RNLS: variants seen among roughly 807,000 people sequenced by gnomAD.
RNLS encodes the protein renalase.
In RNLS, 39 loss-of-function variants were observed where a neutral mutation model predicts 39.8. That is an observed-to-expected ratio of 0.98 (90% CI 0.76 to 1.28). RNLS has a LOEUF of 1.28. Ranked by LOEUF, RNLS falls within the 50% of genes most tolerant of loss-of-function variation. The pLI is 0.00. For missense variants in RNLS, 410 were observed against 413.3 expected (o/e 0.99, Z 0.07); for synonymous variants, 147 against 150.7 (o/e 0.98, Z 0.18).
At chr10:88,250,918 A>G in the RNLS span, among the ~76,000 whole-genome samples, 7 of 152,376 alleles carry the variant, frequency 4.6e-5, no homozygotes, top group East Asian at 1.3e-3. Flanking sequence ...AATACACAAT[A>G]ATCGAATGAA....
chr10:88,268,432 G>A, the RNLS span, among the ~76,000 whole-genome samples: 110 of 152,316 alleles, frequency 7.2e-4, 1 homozygote, highest in South Asian at 0.021. Context: ...AATTCCCAAT[G>A]ATTAGACATG....
chr10:88,452,674 C>T (rs4934407), intron 4 of RNLS, among the ~76,000 whole-genome samples: 11,778 of 152,070 alleles, frequency 0.077, 581 homozygotes, highest in Middle Eastern at 0.15. Flanking sequence ...CAATAAGAAG[C>T]CCATTAAATC....
chr10:88,421,357 A>C (rs1168979604), intron 4 of RNLS, among the ~76,000 whole-genome samples: 2 of 152,206 alleles, frequency 1.3e-5, no homozygotes, highest in Non-Finnish European at 2.9e-5. Flanking sequence ...GTAGCGTTTA[A>C]TCAGACTAGC....
chr10:88,351,895 A>T (rs1848743891), intron 5 of RNLS, among the ~76,000 whole-genome samples: 1 of 152,152 alleles, frequency 6.6e-6, no homozygotes, highest in Admixed American at 6.5e-5. Context: ...AGTGGTTTGT[A>T]GTTCTCCTTG....
chr10:88,260,320 C>A, the RNLS span, among the ~76,000 whole-genome samples: 4 of 152,160 alleles, frequency 2.6e-5, no homozygotes, highest in Non-Finnish European at 2.9e-5. Context: ...TTATTTATGG[C>A]AAACTTAATA....
At chr10:88,504,032 C>T (rs753290565) in intron 4 of RNLS, among the ~76,000 whole-genome samples, 3 of 152,192 alleles carry the variant, frequency 2.0e-5, no homozygotes, top group Non-Finnish European at 4.4e-5. Context: ...ATGGAGAAGT[C>T]TAAACAGCAA....
chr10:88,233,451 AG>A, the RNLS span, among the ~76,000 whole-genome samples: 6 of 152,366 alleles, frequency 3.9e-5, no homozygotes, highest in East Asian at 1.2e-3. Context: ...GGGCTTTAAA[AG>A]GAGCTTTTGT....
chr10:88,463,365 C>A (rs1333712659), intron 4 of RNLS, among the ~76,000 whole-genome samples: 1 of 151,956 alleles, frequency 6.6e-6, no homozygotes, highest in Admixed American at 6.6e-5. Flanking sequence ...CAGAAAACTA[C>A]CATAAGCTAG....
intron 4 of RNLS, among the ~76,000 whole-genome samples, chr10:88,473,508 G>T (rs1216575147): frequency 6.6e-6 from 1 of 152,112 alleles, no homozygotes; most frequent in Non-Finnish European, 1.5e-5. Flanking sequence ...CTTGAGTCAT[G>T]TTCAAGTGTA....
At chr10:88,498,412 G>A (rs964126839) in intron 4 of RNLS, among the ~76,000 whole-genome samples, 3 of 150,844 alleles carry the variant, frequency 2.0e-5, no homozygotes, top group Non-Finnish European at 4.4e-5. Context: ...AAAGACCAAG[G>A]AATAGTTCTA....
the RNLS span, among the ~76,000 whole-genome samples, chr10:88,244,537 G>A: frequency 6.6e-6 from 1 of 152,182 alleles, no homozygotes; most frequent in Admixed American, 6.5e-5. Context: ...CTTTAGAGTG[G>A]GCAGATGGCA....
chr10:88,536,039 C>T (rs867490706), intron 4 of RNLS, among the ~76,000 whole-genome samples: 12 of 152,242 alleles, frequency 7.9e-5, no homozygotes, highest in Middle Eastern at 3.4e-3. Context: ...GGAGCATGGA[C>T]TTTCCAATCA....
chr10:88,503,536 T>C (rs1399848198), intron 4 of RNLS, among the ~76,000 whole-genome samples: 1 of 152,166 alleles, frequency 6.6e-6, no homozygotes, highest in Non-Finnish European at 1.5e-5. Flanking sequence ...CCTGGAACCA[T>C]CATTAGAACT....
chr10:88,414,672 A>C (rs1287982463), intron 4 of RNLS, among the ~76,000 whole-genome samples: 1 of 152,220 alleles, frequency 6.6e-6, no homozygotes, highest in Non-Finnish European at 1.5e-5. Flanking sequence ...TATTTGAATA[A>C]TATATAAGAT....
chr10:88,550,796 CTGCCTCT>C lies in RNLS; in HGVS notation c.526+22100_526+22106del, dbSNP rs535705914. Reference sequence around the variant, plus strand: ...ACAGCAATTACACACACACATATGCCTGCCTCTTCAGAGAATCATTTTAGATTGGATT... The same window carrying C: ...ACAGCAATTACACACACACATATGCCTCAGAGAATCATTTTAGATTGGATT... On this transcript the variant is annotated intron_variant, in intron 4 of 6. Coordinates refer to ENST00000331772, the MANE Select transcript of RNLS (RefSeq NM_001031709.3). Among the ~76,000 whole-genome samples the C allele has an allele frequency of 6.6e-3, 998 of 152,252 alleles. 5 individuals are homozygous for C. Among genetic ancestry groups the C allele is most frequent in the Non-Finnish European group, 0.011 (728 of 68,008 alleles).
At chr10:88,434,988 G>A (rs568230793) in intron 4 of RNLS, among the ~76,000 whole-genome samples, 5 of 152,026 alleles carry the variant, frequency 3.3e-5, no homozygotes, top group Admixed American at 2.6e-4. Context: ...GAAATCAGAT[G>A]AAGACTAAGA....
chr10:88,302,517 G>C (rs1296066935), intron 6 of RNLS, among the ~76,000 whole-genome samples: 1 of 152,180 alleles, frequency 6.6e-6, no homozygotes, highest in Non-Finnish European at 1.5e-5. Flanking sequence ...ATATAAGCCA[G>C]TTGTATTTCT....
At chr10:88,448,938 G>A (rs1328267288) in intron 4 of RNLS, among the ~76,000 whole-genome samples, 1 of 152,178 alleles carries the variant, frequency 6.6e-6, no homozygotes, top group Non-Finnish European at 1.5e-5. Context: ...CCATAGGTGG[G>A]AATTGAACAA....
At chr10:88,351,160 T>G (rs1046259904) in intron 5 of RNLS, among the ~76,000 whole-genome samples, 2 of 152,172 alleles carry the variant, frequency 1.3e-5, no homozygotes, top group Non-Finnish European at 2.9e-5. Context: ...TTGCAAAAAT[T>G]TTTTCCCATT....
Sources: allele counts gnomAD v4.1 joint callset (sites outside exome capture counted in the v4.1 genomes callset), GRCh38; gene constraint gnomAD v4.1.1; transcripts MANE v1.5; gene names NCBI Gene and HGNC (gene_info 2026-07-23, HGNC 2026-07-21).